THSD4: variants seen among roughly 807,000 people sequenced by gnomAD.
THSD4 encodes the protein thrombospondin type-1 domain-containing protein 4.
Under a neutral mutation model 119.0 loss-of-function variants are expected in THSD4, and 69 were observed. That is an observed-to-expected ratio of 0.58 (90% CI 0.48 to 0.71). The LOEUF (loss-of-function observed/expected upper bound fraction) is 0.71, where lower values mean the gene tolerates loss of function less well. Ranked by LOEUF, THSD4 falls within the 30% of genes least tolerant of loss-of-function variation. THSD4 has a pLI of 0.00. For missense variants in THSD4, 1,393 were observed against 1,391.1 expected, an observed-to-expected ratio of 1.00 and a Z score of -0.02; for synonymous variants, 524 against 540.4, an observed-to-expected ratio of 0.97 and a Z score of 0.42.
chr15:71,567,774 A>AGT (rs2049271421), intron 7 of THSD4, among the ~76,000 whole-genome samples: 2 of 133,742 alleles, frequency 1.5e-5, no homozygotes, highest in African/African-American at 2.7e-5. Flanking sequence ...AAAGAGAGAG[A>AGT]GAGTGTGTGT....
At chr15:71,670,557 T>C (rs955395202) in intron 8 of THSD4, among the ~76,000 whole-genome samples, 5 of 151,930 alleles carry the variant, frequency 3.3e-5, no homozygotes, top group Non-Finnish European at 5.9e-5. Flanking sequence ...TGCAGGTTTG[T>C]TACATATGTA....
chr15:71,735,623 T>A (rs11634173), intron 10 of THSD4, among the ~76,000 whole-genome samples: 65,467 of 137,484 alleles, frequency 0.48, 16,646 homozygotes, highest in East Asian at 0.72. Flanking sequence ...TTGCTCTCTG[T>A]TTCTCTCTCT....
chr15:71,596,756 G>C (rs4238442), intron 7 of THSD4, among the ~76,000 whole-genome samples: 1 of 152,282 alleles, frequency 6.6e-6, no homozygotes, highest in East Asian at 1.9e-4. Context: ...AGAATCCTGC[G>C]GGCCTCCTGG....
At chr15:71,703,653 G>C (rs1479346018) in intron 8 of THSD4, among the ~76,000 whole-genome samples, 1 of 152,156 alleles carries the variant, frequency 6.6e-6, no homozygotes, top group African/African-American at 2.4e-5. Context: ...ACTGAGTCCA[G>C]CTGCAGGGCT....
At chr15:71,253,560 A>G (rs1161680152) in intron 5 of THSD4, among the ~76,000 whole-genome samples, 2 of 152,060 alleles carry the variant, frequency 1.3e-5, no homozygotes, top group Non-Finnish European at 2.9e-5. Flanking sequence ...GGTGCATGCC[A>G]CCATGCCCGG....
chr15:71,363,085 G>A (rs1372214), intron 6 of THSD4, among the ~76,000 whole-genome samples: 29,665 of 152,070 alleles, frequency 0.2, 2,903 homozygotes, highest in South Asian at 0.28. Flanking sequence ...GCCTGCGGGC[G>A]GCAGGTGGAC....
At chr15:71,482,742 C>T (rs2047752702) in intron 7 of THSD4, among the ~76,000 whole-genome samples, 1 of 152,118 alleles carries the variant, frequency 6.6e-6, no homozygotes, top group Non-Finnish European at 1.5e-5. Flanking sequence ...GCCGCCTCCA[C>T]ACACGGCTAA....
chr15:71,322,621 GT>G (rs1479167248), intron 6 of THSD4, among the ~76,000 whole-genome samples: 8 of 152,202 alleles, frequency 5.3e-5, no homozygotes, highest in Non-Finnish European at 1.2e-4. Flanking sequence ...TTCTGGTTCA[GT>G]GTCTGTCATG....
intron 6 of THSD4, among the ~76,000 whole-genome samples, chr15:71,402,062 T>C (rs1358287043): frequency 1.7e-5 from 2 of 120,788 alleles, no homozygotes; most frequent in Non-Finnish European, 3.2e-5. Flanking sequence ...TGAGAACACA[T>C]GGACACAGGG....
At chr15:71,771,001 C>T (rs1054672152) in intron 16 of THSD4, 63 bp from the exon 17 acceptor site, 5 of 1,565,204 alleles carry the variant, frequency 3.2e-6, no homozygotes, top group African/African-American at 2.7e-5. Context: ...TGTCTTCTTT[C>T]TCCAGTGTGC....
At chr15:71,187,594 T>A (rs1177295571) in intron 3 of THSD4, 1 of 152,682 alleles carries the variant, frequency 6.5e-6, no homozygotes, top group East Asian at 1.9e-4. Context: ...GGACCGTGGC[T>A]GTGGAATTAG....
At chr15:71,660,831 C>A in intron 8 of THSD4, 97 bp downstream of exon 8, 1 of 1,393,206 alleles carries the variant, frequency 7.2e-7, no homozygotes, top group South Asian at 1.3e-5. Context: ...CCGAGAGTCC[C>A]GGGGCATGCA....
At chr15:71,138,868 G>A (rs2040575307) in intron 1 of THSD4, among the ~76,000 whole-genome samples, 1 of 149,696 alleles carries the variant, frequency 6.7e-6, no homozygotes, top group Non-Finnish European at 1.5e-5. Context: ...CTTGGTGTGT[G>A]TGTGTGTGAG....
chr15:71,780,162 C>T lies in THSD4; in HGVS notation c.*2788C>T, dbSNP rs924969503. ...CTTAGTGCCCATTATTTCCCCCTCT[C>T]CTTTCTTCTGTCACTGCCATCTCCT... On this transcript the variant is annotated 3_prime_UTR_variant, in exon 18 of 18. Transcript: ENST00000261862. The T allele has an allele frequency of 1.3e-5, 2 of 152,198 alleles. No individual in the cohort carries two copies. The highest frequency in any genetic ancestry group is 4.8e-5 in the African/African-American group (2 of 41,436). 9.4% of individuals were successfully genotyped at this position (152,198 alleles called of 1,614,324 possible). A position where few individuals can be genotyped will look rare whatever the true frequency, so the allele number is the denominator to read the frequency against.
chr15:71,656,477 G>C, intron 7 of THSD4, among the ~76,000 whole-genome samples: 1 of 152,234 alleles, frequency 6.6e-6, no homozygotes, highest in East Asian at 1.9e-4. Context: ...GCCAGTGTAA[G>C]AGAGATACAT....
chr15:71,631,188 T>C (rs1420598336), intron 7 of THSD4, among the ~76,000 whole-genome samples: 2 of 152,160 alleles, frequency 1.3e-5, no homozygotes, highest in African/African-American at 2.4e-5. Flanking sequence ...TTCAACAAGT[T>C]GTCATGGCCA....
At chr15:71,196,671 AGAAAT>A (rs1294545738) in intron 3 of THSD4, among the ~76,000 whole-genome samples, 5 of 152,160 alleles carry the variant, frequency 3.3e-5, no homozygotes, top group Admixed American at 6.6e-5. Context: ...AGATGGTGGC[AGAAAT>A]GCCAGGCAGC....
intron 10 of THSD4, among the ~76,000 whole-genome samples, chr15:71,736,545 C>G (rs1171343831): frequency 2.6e-5 from 4 of 152,024 alleles, no homozygotes; most frequent in African/African-American, 9.7e-5. Flanking sequence ...CTCTCTGTCT[C>G]TCTCTCTCGC....
intron 3 of THSD4, chr15:71,184,190 C>T (rs1204385061): frequency 6.6e-6 from 1 of 151,792 alleles, no homozygotes; most frequent in Non-Finnish European, 1.5e-5. Flanking sequence ...AAGTATTCTC[C>T]CTCTTCTCAA....
Sources: allele counts gnomAD v4.1 joint callset (sites outside exome capture counted in the v4.1 genomes callset), GRCh38; gene constraint gnomAD v4.1.1; transcripts MANE v1.5; gene names NCBI Gene and HGNC (gene_info 2026-07-23, HGNC 2026-07-21).